FRMD4A: variants seen among roughly 807,000 people sequenced by gnomAD.
The protein encoded by FRMD4A is FERM domain containing 4A, also known as FERM domain-containing protein 4A.
In FRMD4A, 29 loss-of-function variants were observed where a neutral mutation model predicts 129.1. That is an observed-to-expected ratio of 0.22 (90% CI 0.17 to 0.31). The LOEUF is 0.31. Among genes scored for constraint, FRMD4A ranks in the 10% least tolerant of loss-of-function variants. FRMD4A has a pLI of 1.00. For synonymous variants in FRMD4A, 634 were observed against 571.6 expected, an observed-to-expected ratio of 1.11 and a Z score of -1.56; for missense variants, 1,272 against 1,375.8, an observed-to-expected ratio of 0.92 and a Z score of 1.19.
intron 2 of FRMD4A, among the ~76,000 whole-genome samples, chr10:13,896,762 T>C (rs2131179799): frequency 6.6e-6 from 1 of 152,164 alleles, no homozygotes; most frequent in South Asian, 2.1e-4. Context: ...TACCTGGAAA[T>C]GAAAACATAA....
chr10:13,726,124 A>T (rs1218007318), intron 12 of FRMD4A, among the ~76,000 whole-genome samples: 1 of 152,110 alleles, frequency 6.6e-6, no homozygotes, highest in Non-Finnish European at 1.5e-5. Context: ...AAAATACAAA[A>T]ATTAGCCGAG....
intron 2 of FRMD4A, among the ~76,000 whole-genome samples, chr10:13,867,270 T>C (rs1039062575): frequency 1.1e-4 from 16 of 152,090 alleles, no homozygotes; most frequent in African/African-American, 3.9e-4. Flanking sequence ...TTTTGTTTTA[T>C]GTTTTTGAAA....
intron 3 of FRMD4A, among the ~76,000 whole-genome samples, chr10:13,816,553 C>T (rs999459297): frequency 7.9e-5 from 12 of 152,290 alleles, no homozygotes; most frequent in African/African-American, 2.6e-4. Flanking sequence ...GGCATCAGCT[C>T]CTTGATTTCC....
intron 2 of FRMD4A, among the ~76,000 whole-genome samples, chr10:14,275,773 T>C (rs1218350): frequency 0.46 from 70,386 of 152,002 alleles, 17,180 homozygotes; most frequent in African/African-American, 0.63. Flanking sequence ...GAGTGGCAGC[T>C]CACATCTGTA....
rs368884649 is a variant in FRMD4A, at chr10:13,746,377, A to AT, written c.548+1358dup. ...AGGCGCGCGACATCATGTCCAGCTA[A>AT]TTTTTTTTTGTATTTTTAGTAGAGA... On this transcript the variant is annotated intron_variant, in intron 9 of 24. Coordinates refer to ENST00000357447, the MANE Select transcript of FRMD4A (RefSeq NM_018027.5). Among the ~76,000 whole-genome samples, 247 of 151,438 alleles carry AT rather than the reference A, an allele frequency of 1.6e-3. 2 individuals are homozygous for AT. In the East Asian group the frequency reaches 0.028, roughly 17 times the overall value.
At chr10:13,722,497 C>T (rs1378555957) in intron 12 of FRMD4A, among the ~76,000 whole-genome samples, 3 of 151,826 alleles carry the variant, frequency 2.0e-5, no homozygotes, top group African/African-American at 7.3e-5. Flanking sequence ...CCTCCCGCCT[C>T]AATCTCCCAA....
intron 2 of FRMD4A, among the ~76,000 whole-genome samples, chr10:14,075,007 T>C (rs898942158): frequency 1.3e-5 from 2 of 151,954 alleles, no homozygotes; most frequent in African/African-American, 2.4e-5. Flanking sequence ...TTTCATAGAG[T>C]AGAATCAAAG....
At chr10:13,680,534 G>GA in intron 15 of FRMD4A, among the ~76,000 whole-genome samples, 1 of 152,102 alleles carries the variant, frequency 6.6e-6, no homozygotes, top group Non-Finnish European at 1.5e-5. Context: ...AGACCAGCCT[G>GA]GCCAACATGG....
intron 2 of FRMD4A, among the ~76,000 whole-genome samples, chr10:14,077,883 T>C (rs1835702438): frequency 6.6e-6 from 1 of 152,210 alleles, no homozygotes; most frequent in East Asian, 1.9e-4. Context: ...TGCTTGTTAC[T>C]AGGAGATATG....
chr10:14,284,152 G>A (rs1218368), intron 2 of FRMD4A, among the ~76,000 whole-genome samples: 79,301 of 151,934 alleles, frequency 0.52, 21,460 homozygotes, highest in African/African-American at 0.68. Flanking sequence ...AATCAGTTCC[G>A]CAGAGGCTGG....
intron 12 of FRMD4A, among the ~76,000 whole-genome samples, chr10:13,714,819 C>T (rs1218585342): frequency 2.6e-5 from 4 of 152,104 alleles, no homozygotes; most frequent in Non-Finnish European, 4.4e-5. Context: ...GTGGGCCCAT[C>T]GTGAGGTCAG....
intron 12 of FRMD4A, among the ~76,000 whole-genome samples, chr10:13,709,442 C>T (rs2087794741): frequency 6.6e-6 from 1 of 152,190 alleles, no homozygotes; most frequent in Non-Finnish European, 1.5e-5. Context: ...GCTCTTACTT[C>T]TCCCAAATCC....
intron 2 of FRMD4A, among the ~76,000 whole-genome samples, chr10:14,107,978 G>C (rs1837673413): frequency 6.6e-6 from 1 of 152,132 alleles, no homozygotes; most frequent in African/African-American, 2.4e-5. Context: ...TCCAGAAGTG[G>C]ACCAAAGAGT....
chr10:13,884,154 T>TCACTCA (rs1564970810), intron 2 of FRMD4A, among the ~76,000 whole-genome samples: 1 of 111,226 alleles, frequency 9.0e-6, no homozygotes, highest in South Asian at 3.5e-4. Context: ...TCTCACACAC[T>TCACTCA]CTCACACACA....
At chr10:14,134,885 T>C (rs1349348004) in intron 2 of FRMD4A, among the ~76,000 whole-genome samples, 2 of 152,140 alleles carry the variant, frequency 1.3e-5, no homozygotes, top group Non-Finnish European at 2.9e-5. Flanking sequence ...TTACCAAAGA[T>C]AAAGACTCAA....
intron 2 of FRMD4A, among the ~76,000 whole-genome samples, chr10:14,129,405 T>A (rs1428332645): frequency 7.3e-5 from 9 of 123,974 alleles, no homozygotes; most frequent in Non-Finnish European, 1.1e-4. Flanking sequence ...TATATATATA[T>A]ATAAAAAATA....
chr10:14,041,320 A>T (rs1833770478), intron 2 of FRMD4A, among the ~76,000 whole-genome samples: 1 of 152,204 alleles, frequency 6.6e-6, no homozygotes, highest in Admixed American at 6.5e-5. Context: ...GGCGTTTCTC[A>T]TGACATTCTT....
At chr10:13,931,968 A>G (rs1207720000) in intron 2 of FRMD4A, among the ~76,000 whole-genome samples, 1 of 151,916 alleles carries the variant, frequency 6.6e-6, no homozygotes, top group African/African-American at 2.4e-5. Flanking sequence ...CCAACCAACC[A>G]ACCAACCAAC....
intron 8 of FRMD4A, among the ~76,000 whole-genome samples, chr10:13,751,199 C>G (rs934112619): frequency 6.6e-6 from 1 of 152,184 alleles, no homozygotes; most frequent in Non-Finnish European, 1.5e-5. Flanking sequence ...GTTTTACCCA[C>G]CAAACCCTTG....
Sources: gnomAD v4.1 joint callset for allele counts (sites outside exome capture counted in the v4.1 genomes callset) on GRCh38, gnomAD v4.1.1 for gene constraint, MANE v1.5 for transcripts, NCBI Gene and HGNC (gene_info 2026-07-23, HGNC 2026-07-21) for gene names.